PTCHD1: variants seen among roughly 807,000 people sequenced by gnomAD.
PTCHD1 encodes the protein patched domain-containing protein 1.
In PTCHD1, 3 loss-of-function variants were observed where a neutral mutation model predicts 34.6. The ratio of observed to expected loss-of-function variants is 0.09; its 90% confidence interval spans 0.04 to 0.22. The LOEUF (loss-of-function observed/expected upper bound fraction) is 0.22. Among genes scored for constraint, PTCHD1 ranks in the 10% least tolerant of loss-of-function variants. The probability of loss-of-function intolerance (pLI) is 1.00; values close to 1 mark genes in which losing one functional copy is unlikely to be tolerated. For synonymous variants in PTCHD1, 305 were observed against 283.1 expected (o/e 1.08, Z -0.77); for missense variants, 504 against 685.5 (o/e 0.74, Z 2.96).
chrX:23,402,381 C>T lies in PTCHD1; in HGVS notation c.*8196C>T, dbSNP rs891726524. On this transcript the variant is annotated 3_prime_UTR_variant, in exon 3 of 3. Transcript: ENST00000379361. Reference sequence around the variant, plus strand: ...CATTAAGAGGAACCCTAGTGCAGTTCCCCCAAAAAACCTTGGCATAGAGTA... The same window carrying T: ...CATTAAGAGGAACCCTAGTGCAGTTTCCCCAAAAAACCTTGGCATAGAGTA... The T allele has an allele frequency of 9.0e-6, 1 of 111,198 alleles. No homozygotes were observed. Among genetic ancestry groups the T allele is most frequent in the African/African-American group, 3.3e-5 (1 of 30,569 alleles). 9.2% of individuals were successfully genotyped at this position (111,198 alleles called of 1,213,427 possible). A position where few individuals can be genotyped will look rare whatever the true frequency, so the allele number is the denominator to read the frequency against.
At chrX:23,385,733 G>A (rs5971113) in intron 2 of PTCHD1, among the ~76,000 whole-genome samples, 57,077 of 109,465 alleles carry the variant, frequency 0.52, 11,887 homozygotes, top group African/African-American at 0.79. Context: ...CCCAACAGAG[G>A]GATTCTATAG....
chrX:23,378,962 G>A (rs1461321231), intron 1 of PTCHD1, among the ~76,000 whole-genome samples: 1 of 111,863 alleles, frequency 8.9e-6, no homozygotes, highest in Non-Finnish European at 1.9e-5. Flanking sequence ...CATACATGTA[G>A]GCAAGGAAAG....
At chrX:23,367,699 A>G (rs1026600380) in intron 1 of PTCHD1, among the ~76,000 whole-genome samples, 21 of 111,559 alleles carry the variant, frequency 1.9e-4, no homozygotes, top group Non-Finnish European at 3.8e-4. Context: ...GTGTGGTTGG[A>G]AGTGATTACA....
intron 1 of PTCHD1, among the ~76,000 whole-genome samples, chrX:23,363,949 A>G (rs1371174486): frequency 8.9e-6 from 1 of 112,518 alleles, no homozygotes; most frequent in Non-Finnish European, 1.9e-5. Context: ...AAACAACCCA[A>G]AGGTCCACCA....
Position 23,393,043 on chromosome X carries a change from C to A in PTCHD1, c.1525C>A (p.Leu509Ile). 2 of 1,211,584 alleles carry A rather than the reference C, an allele frequency of 1.7e-6. No individual in the cohort carries two copies. Among genetic ancestry groups the A allele is most frequent in the Non-Finnish European group, 2.2e-6 (2 of 895,310 alleles). Residue 509 changes from leucine to isoleucine, a missense_variant, in exon 3 of 3, where the codon CTT becomes ATT. Physicochemically the swap from Leu to Ile is conservative, Grantham distance 5. Transcript: ENST00000379361. ...CAAGCCTTTTGTAGTTCTCTTTTAC[C>A]TTATTTATATTTCCTTTGCCTTAAT... ...YVKPFVVLFY[L>I]IYISFALMGY...
Position 23,403,705 on chromosome X carries a change from G to A in PTCHD1, c.*9520G>A, listed in dbSNP as rs988974483. 2.7e-5 allele frequency: 3 copies of A among 111,470 alleles called. No individual in the cohort carries two copies. The highest frequency in any genetic ancestry group is 9.8e-5 in the African/African-American group (3 of 30,634). The allele number at this position is 111,470 out of a possible 1,213,427, so 9.2% of individuals were successfully genotyped here. On this transcript the variant is annotated 3_prime_UTR_variant, in exon 3 of 3. Transcript: ENST00000379361. The stretch of plus-strand genomic sequence containing the variant: ...TGCAGTATCTACAGGGGAATGGTTC[G>A]TGGATATAAACAGAAATGTTTTATC...
intron 1 of PTCHD1, among the ~76,000 whole-genome samples, chrX:23,342,438 C>T (rs1463550658): frequency 1.9e-5 from 2 of 104,720 alleles, no homozygotes; most frequent in Non-Finnish European, 4.0e-5. Flanking sequence ...AGCATCTGCC[C>T]TAAGGGTCTT....
In PTCHD1 at chrX:23,335,083, G is replaced by C; in HGVS notation, c.208G>C (p.Val70Leu). Residue 70 changes from valine (V) to leucine (L), a missense_variant, in exon 1 of 3, where the codon GTT (valine) becomes CTT (leucine). Coordinates refer to ENST00000379361, the MANE Select transcript of PTCHD1 (RefSeq NM_173495.3). ...HSLAKIERNL[V>L]NSLFPVNRSK... is the part of the protein sequence containing the mutation. The stretch of plus-strand genomic sequence containing the variant: ...CCTGGCCAAGATCGAGCGCAACCTC[G>C]TTAACAGCCTCTTCCCGGTCAACCG... 8.3e-7 allele frequency: 1 copy of C among 1,211,380 alleles called. No individual in the cohort carries two copies. The highest frequency in any genetic ancestry group is 1.1e-6 in the Non-Finnish European group (1 of 895,186).
intron 2 of PTCHD1, among the ~76,000 whole-genome samples, chrX:23,390,519 A>C (rs1252186080): frequency 9.0e-6 from 1 of 111,599 alleles, no homozygotes; most frequent in Non-Finnish European, 1.9e-5. Context: ...ACCTAAGCAT[A>C]ATTAACAACA....
At chrX:23,381,307 G>A (rs1267220277) in intron 2 of PTCHD1, among the ~76,000 whole-genome samples, 2 of 112,391 alleles carry the variant, frequency 1.8e-5, no homozygotes, top group Non-Finnish European at 3.8e-5. Context: ...TATCGAAAAT[G>A]GCATGCCCAG....
At chrX:23,338,015 T>C (rs58716861) in intron 1 of PTCHD1, among the ~76,000 whole-genome samples, 1 of 111,048 alleles carries the variant, frequency 9.0e-6, no homozygotes, top group Non-Finnish European at 1.9e-5. Context: ...CAGAAAAATA[T>C]CTGTATTTCA....
chrX:23,353,431 A>G (rs1241746109), intron 1 of PTCHD1, among the ~76,000 whole-genome samples: 1 of 112,490 alleles, frequency 8.9e-6, no homozygotes, highest in African/African-American at 3.2e-5. Flanking sequence ...TACTAAAGAA[A>G]ATGCAAAATT....
chrX:23,378,323 T>C (rs1922464489), intron 1 of PTCHD1, among the ~76,000 whole-genome samples: 1 of 111,843 alleles, frequency 8.9e-6, no homozygotes, highest in Admixed American at 9.5e-5. Context: ...ATCTGTAAAG[T>C]GACTTGTTGA....
chrX:23,360,923 G>A (rs1921963019), intron 1 of PTCHD1, among the ~76,000 whole-genome samples: 1 of 112,177 alleles, frequency 8.9e-6, no homozygotes, highest in Non-Finnish European at 1.9e-5. Context: ...AGTCGTTCAA[G>A]AGCAAGTTGT....
intron 1 of PTCHD1, among the ~76,000 whole-genome samples, chrX:23,357,331 T>C (rs1243435898): frequency 8.9e-6 from 1 of 111,787 alleles, no homozygotes; most frequent in African/African-American, 3.3e-5. Context: ...AAAATCAAAA[T>C]GAGATACCAG....
At chrX:23,389,548 C>G (rs1308542532) in intron 2 of PTCHD1, among the ~76,000 whole-genome samples, 1 of 111,854 alleles carries the variant, frequency 8.9e-6, no homozygotes, top group African/African-American at 3.3e-5. Context: ...GCAATCTGCT[C>G]GAGAGGTGTG....
Position 23,392,472 on chromosome X carries a change from T to C in PTCHD1, c.1013-59T>C. The C allele has an allele frequency of 5.0e-6, 4 of 798,848 alleles. No homozygotes were observed. In the Admixed American group the frequency reaches 8.9e-5, roughly 18 times the overall value. 65.8% of individuals were successfully genotyped at this position (798,848 alleles called of 1,213,427 possible). A position where few individuals can be genotyped will look rare whatever the true frequency, so the allele number is the denominator to read the frequency against. ...AGTAGTCCCTCATAATCAAGTTGAT[T>C]TCCCTCTTAAGAGATTAGTTCTTTA... On this transcript the variant is annotated intron_variant, in intron 2 of 2. Transcript: ENST00000379361.
At chrX:23,334,828 G>T (rs765752050), upstream of PTCHD1, 2 of 913,947 alleles carry the variant, frequency 2.2e-6, no homozygotes, top group Non-Finnish European at 2.8e-6. Flanking sequence ...GCCCGAACCC[G>T]CGCCGAGCGT....
chrX:23,393,423 A>T lies in PTCHD1; in HGVS notation c.1905A>T (p.Lys635Asn). ...AAGAGGACATCATCTTCTCTAAAAA[A>T]TACAATGATGAGGTCGATGTAGTGG... Reference protein sequence around the residue: ...HFQEDIIFSKKYNDEVDVVAS... With the variant: ...HFQEDIIFSKNYNDEVDVVAS... Residue 635 changes from lysine to asparagine, a missense_variant, in exon 3 of 3, where the codon AAA becomes AAT. By Grantham distance (94) the Lys-to-Asn change is moderately conservative. Transcript: ENST00000379361. 5 of 1,211,517 alleles carry T rather than the reference A, an allele frequency of 4.1e-6. No homozygotes were observed. Among genetic ancestry groups the T allele is most frequent in the Non-Finnish European group, 5.6e-6 (5 of 895,059 alleles).
Sources: gnomAD v4.1 joint callset for allele counts (sites outside exome capture counted in the v4.1 genomes callset) on GRCh38, gnomAD v4.1.1 for gene constraint, MANE v1.5 for transcripts, NCBI Gene and HGNC (gene_info 2026-07-23, HGNC 2026-07-21) for gene names.